PDGFC: variants seen among roughly 807,000 people sequenced by gnomAD.
PDGFC encodes the protein platelet-derived growth factor C.
Under a neutral mutation model 35.5 loss-of-function variants are expected in PDGFC, and 12 were observed. That is an observed-to-expected ratio of 0.34 (90% CI 0.22 to 0.55). The LOEUF (loss-of-function observed/expected upper bound fraction) is 0.55. Among genes scored for constraint, PDGFC ranks in the 20% least tolerant of loss-of-function variants. PDGFC has a pLI of 0.91. For missense variants in PDGFC, 322 were observed against 412.4 expected, an observed-to-expected ratio of 0.78 and a Z score of 1.90; for synonymous variants, 159 against 148.8, an observed-to-expected ratio of 1.07 and a Z score of -0.50.
At chr4:156,844,077 A>G (rs1729267893) in intron 2 of PDGFC, among the ~76,000 whole-genome samples, 1 of 152,162 alleles carries the variant, frequency 6.6e-6, no homozygotes, top group South Asian at 2.1e-4. Context: ...CCAAATTAAC[A>G]AAATCTAGTT....
chr4:156,902,211 A>G (rs1730805676), intron 1 of PDGFC, among the ~76,000 whole-genome samples: 1 of 152,232 alleles, frequency 6.6e-6, no homozygotes, highest in Non-Finnish European at 1.5e-5. Flanking sequence ...CTTGTTATAA[A>G]ATATATTTGT....
chr4:156,844,249 T>C (rs1729272223), intron 2 of PDGFC, among the ~76,000 whole-genome samples: 1 of 152,170 alleles, frequency 6.6e-6, no homozygotes, highest in South Asian at 2.1e-4. Context: ...TTATTTGGCA[T>C]AGGGCAAACA....
At chr4:156,907,497 T>C (rs1466186591) in intron 1 of PDGFC, among the ~76,000 whole-genome samples, 3 of 152,178 alleles carry the variant, frequency 2.0e-5, no homozygotes, top group African/African-American at 7.2e-5. Context: ...TTGTTTCACC[T>C]GAATTTGCAT....
chr4:156,911,821 G>A (rs1466296883), intron 1 of PDGFC, among the ~76,000 whole-genome samples: 1 of 152,084 alleles, frequency 6.6e-6, no homozygotes. Flanking sequence ...TTAAAAATAA[G>A]TCTACGTAAT....
chr4:156,824,209 T>C lies in PDGFC; in HGVS notation c.315-13192A>G, dbSNP rs548903519. 2.8e-3 allele frequency among the ~76,000 whole-genome samples: 424 copies of C among 149,662 alleles called. 3 individuals are homozygous for C. Among genetic ancestry groups the C allele is most frequent in the African/African-American group, 0.01 (417 of 40,686 alleles). ...GATCACTAATTTCAACTAAAGAGGC[T>C]CCAAAACTAGGCTTTTTGCCCTTCT... is the stretch of plus-strand genomic sequence containing the variant. On this transcript the variant is annotated intron_variant, in intron 2 of 5. Transcript: ENST00000502773.
Position 156,850,375 on chromosome 4 carries a change from T to C in PDGFC, c.160A>G (p.Thr54Ala), listed in dbSNP as rs1378336819. The C allele has an allele frequency of 6.9e-6, 11 of 1,605,034 alleles. No homozygotes were observed. Among genetic ancestry groups the C allele is most frequent in the Middle Eastern group, 1.7e-4 (1 of 6,012 alleles). The change falls in exon 2 of 6, where the codon ACT becomes GCT. Residue 54 changes from threonine to alanine, a missense_variant. Thr to Ala is a moderately conservative substitution (Grantham distance 58, BLOSUM62 0). Coordinates refer to ENST00000502773, the MANE Select transcript of PDGFC (RefSeq NM_016205.3). ...CTTGGGCTGTGAATACTTCCATTAG[T>C]AGACACAGTAATAATTCTCTCATGC... ...PQHERIITVS[T>A]NGSIHSPRFP...
intron 3 of PDGFC, among the ~76,000 whole-genome samples, chr4:156,794,242 T>C (rs182135890): frequency 2.1e-4 from 32 of 152,272 alleles, no homozygotes; most frequent in Non-Finnish European, 3.4e-4. Context: ...CATTCAACCA[T>C]CTTTCTCCTT....
chr4:156,781,201 C>CATA (rs1165025861), intron 3 of PDGFC, among the ~76,000 whole-genome samples: 1 of 152,140 alleles, frequency 6.6e-6, no homozygotes, highest in Non-Finnish European at 1.5e-5. Flanking sequence ...TGCTACACTC[C>CATA]ATATCCCACA....
chr4:156,808,440 T>G (rs1317423464), intron 3 of PDGFC, among the ~76,000 whole-genome samples: 1 of 151,928 alleles, frequency 6.6e-6, no homozygotes, highest in Non-Finnish European at 1.5e-5. Context: ...GGGAACAGAG[T>G]GTGCTGACAT....
intron 2 of PDGFC, among the ~76,000 whole-genome samples, chr4:156,815,267 A>G (rs749534200): frequency 6.6e-6 from 1 of 151,928 alleles, no homozygotes; most frequent in African/African-American, 2.4e-5. Context: ...TTATCGTCAC[A>G]CACAATAACT....
intron 3 of PDGFC, among the ~76,000 whole-genome samples, chr4:156,777,874 G>A (rs1254929797): frequency 6.6e-6 from 1 of 152,110 alleles, no homozygotes; most frequent in Non-Finnish European, 1.5e-5. Context: ...AAGCCAAGGC[G>A]GGTGGATCAC....
chr4:156,912,299 T>C (rs1337949292), intron 1 of PDGFC, among the ~76,000 whole-genome samples: 1 of 152,222 alleles, frequency 6.6e-6, no homozygotes, highest in Non-Finnish European at 1.5e-5. Context: ...GGTAAACTCA[T>C]GGACAGAAAT....
intron 1 of PDGFC, among the ~76,000 whole-genome samples, chr4:156,919,181 T>C (rs1462184065): frequency 6.6e-6 from 1 of 152,224 alleles, no homozygotes; most frequent in African/African-American, 2.4e-5. Flanking sequence ...CAAAGCATTA[T>C]CTTTAAAGTA....
intron 1 of PDGFC, among the ~76,000 whole-genome samples, chr4:156,945,100 T>C (rs1319136377): frequency 6.6e-6 from 1 of 151,828 alleles, no homozygotes; most frequent in African/African-American, 2.4e-5. Flanking sequence ...CCATTTTCTA[T>C]CATACCAATA....
intron 3 of PDGFC, among the ~76,000 whole-genome samples, chr4:156,803,806 T>C (rs536384283): frequency 1.3e-5 from 2 of 152,296 alleles, no homozygotes; most frequent in Admixed American, 6.5e-5. Flanking sequence ...TGTCTTATTT[T>C]ACTAACAGTA....
At chr4:156,960,942 C>G (rs1732329209) in intron 1 of PDGFC, among the ~76,000 whole-genome samples, 1 of 152,004 alleles carries the variant, frequency 6.6e-6, no homozygotes, top group Non-Finnish European at 1.5e-5. Context: ...GACATAAGAT[C>G]TCAGGTTTAA....
At chr4:156,821,169 A>G (rs75625385) in intron 2 of PDGFC, among the ~76,000 whole-genome samples, 75 of 142,686 alleles carry the variant, frequency 5.3e-4, no homozygotes, top group African/African-American at 1.7e-3. Context: ...TGCCTGTTGT[A>G]TGTGTGTGTG....
intron 1 of PDGFC, chr4:156,876,431 A>G (rs1265128270): frequency 6.6e-6 from 1 of 152,232 alleles, no homozygotes; most frequent in African/African-American, 2.4e-5. Context: ...ACTGAGTATT[A>G]GACATCTTCT....
intron 1 of PDGFC, among the ~76,000 whole-genome samples, chr4:156,893,526 G>A (rs1048094706): frequency 1.3e-5 from 2 of 151,324 alleles, no homozygotes; most frequent in East Asian, 1.9e-4. Flanking sequence ...TTGCAGAGAC[G>A]AGGTCTTACT....
Sources: allele counts gnomAD v4.1 joint callset (sites outside exome capture counted in the v4.1 genomes callset), GRCh38; gene constraint gnomAD v4.1.1; transcripts MANE v1.5; gene names NCBI Gene and HGNC (gene_info 2026-07-23, HGNC 2026-07-21).